The following SLC8A1 variants were observed in gnomAD, a reference collection of about 807,000 sequenced individuals.
SLC8A1 encodes the protein solute carrier family 8 member A1, also known as sodium/calcium exchanger 1.
Under a neutral mutation model 68.3 loss-of-function variants are expected in SLC8A1, and 18 were observed. That is an observed-to-expected ratio of 0.26 (90% CI 0.18 to 0.39). The LOEUF is 0.39. SLC8A1 is among the 10% of genes least tolerant of loss of function. SLC8A1 has a pLI of 1.00. For synonymous variants in SLC8A1, 475 were observed against 415.5 expected (o/e 1.14, Z -1.74); for missense variants, 985 against 1,156.7 (o/e 0.85, Z 2.15).
At chr2:40,166,020 G>A (rs1038804494) in intron 4 of SLC8A1, among the ~76,000 whole-genome samples, 3 of 152,166 alleles carry the variant, frequency 2.0e-5, no homozygotes, top group African/African-American at 7.2e-5. Context: ...AGCCCTGATG[G>A]CCTCATTTCT....
chr2:40,439,067 G>A (rs1328922176), intron 1 of SLC8A1, among the ~76,000 whole-genome samples: 1 of 152,050 alleles, frequency 6.6e-6, no homozygotes, highest in Non-Finnish European at 1.5e-5. Flanking sequence ...ATCAAAATAT[G>A]AAGCCCCGTA....
chr2:40,501,067 T>A (rs1425158217), intron 1 of SLC8A1, among the ~76,000 whole-genome samples: 1 of 151,980 alleles, frequency 6.6e-6, no homozygotes, highest in East Asian at 1.9e-4. Flanking sequence ...ATCAAGTTGT[T>A]CCTACTTCAA....
intron 2 of SLC8A1, among the ~76,000 whole-genome samples, chr2:40,422,441 T>C (rs1249307430): frequency 6.6e-6 from 1 of 152,184 alleles, no homozygotes; most frequent in Non-Finnish European, 1.5e-5. Context: ...ACCCCTTGTA[T>C]GTCTTAGACC....
At chr2:40,331,524 G>A (rs1454780265) in intron 2 of SLC8A1, among the ~76,000 whole-genome samples, 1 of 152,074 alleles carries the variant, frequency 6.6e-6, no homozygotes, top group African/African-American at 2.4e-5. Context: ...GCATAAAATA[G>A]GATGAGTTTT....
At chr2:40,306,164 A>G (rs1460200398) in intron 2 of SLC8A1, among the ~76,000 whole-genome samples, 2 of 152,234 alleles carry the variant, frequency 1.3e-5, no homozygotes, top group Non-Finnish European at 1.5e-5. Flanking sequence ...GGGAACCCAA[A>G]TAAGAGGAAA....
At chr2:40,243,097 T>A (rs1483055109) in intron 2 of SLC8A1, among the ~76,000 whole-genome samples, 1 of 152,218 alleles carries the variant, frequency 6.6e-6, no homozygotes, top group African/African-American at 2.4e-5. Flanking sequence ...GCTCATTTCA[T>A]TGCCCTTAGT....
intron 2 of SLC8A1, among the ~76,000 whole-genome samples, chr2:40,264,078 A>C (rs1200045496): frequency 1.8e-4 from 27 of 152,362 alleles, no homozygotes; most frequent in Admixed American, 1.6e-3. Context: ...ACATTTATGC[A>C]GCCAGAAGAC....
chr2:40,475,848 C>A (rs908371136), intron 1 of SLC8A1, among the ~76,000 whole-genome samples: 5 of 151,912 alleles, frequency 3.3e-5, no homozygotes, highest in Non-Finnish European at 7.4e-5. Flanking sequence ...ATTACCTAAG[C>A]CCTAGATTCT....
chr2:40,101,132 A>G (rs566561858), exon 8 of SLC8A1: 2 of 152,256 alleles, frequency 1.3e-5, no homozygotes, highest in Middle Eastern at 3.4e-3. Context: ...TTTTACAAGC[A>G]GAGTTACTTT....
chr2:40,479,737 G>C (rs1455185496), intron 1 of SLC8A1, among the ~76,000 whole-genome samples: 2 of 152,180 alleles, frequency 1.3e-5, no homozygotes, highest in African/African-American at 4.8e-5. Flanking sequence ...TCGGCAACAA[G>C]GTACTTTGGC....
chr2:40,244,029 C>T (rs2061534257), intron 2 of SLC8A1, among the ~76,000 whole-genome samples: 1 of 135,788 alleles, frequency 7.4e-6, no homozygotes, highest in South Asian at 2.3e-4. Flanking sequence ...ACAACGCTCC[C>T]ATCAGCAGCC....
At chr2:40,406,957 T>C (rs1559552136) in intron 2 of SLC8A1, among the ~76,000 whole-genome samples, 1 of 152,052 alleles carries the variant, frequency 6.6e-6, no homozygotes. Flanking sequence ...ACAGTTTTTT[T>C]TACTTCATGA....
chr2:40,301,126 T>C (rs936397187), intron 2 of SLC8A1, among the ~76,000 whole-genome samples: 14 of 152,156 alleles, frequency 9.2e-5, no homozygotes, highest in Non-Finnish European at 1.6e-4. Context: ...ACTAGCTCCA[T>C]GACCTGGGAT....
intron 1 of SLC8A1, among the ~76,000 whole-genome samples, chr2:40,463,887 C>CACACACACACACACAT (rs796954298): frequency 1.0e-4 from 11 of 108,612 alleles, no homozygotes; most frequent in East Asian, 2.6e-4. Context: ...CACACACACA[C>CACACACACACACACAT]ATATATATAT....
intron 6 of SLC8A1, among the ~76,000 whole-genome samples, chr2:40,140,807 T>G (rs2041420400): frequency 6.7e-6 from 1 of 148,638 alleles, no homozygotes; most frequent in South Asian, 2.2e-4. Flanking sequence ...AAATTTCTAT[T>G]GACTTTATAT....
intron 2 of SLC8A1, among the ~76,000 whole-genome samples, chr2:40,363,791 T>C (rs1457089403): frequency 1.3e-5 from 2 of 151,978 alleles, no homozygotes; most frequent in Non-Finnish European, 2.9e-5. Flanking sequence ...AAATACAGCA[T>C]TGTATTTGGG....
At chr2:40,282,256 TAAG>T (rs952119193) in intron 2 of SLC8A1, among the ~76,000 whole-genome samples, 2 of 152,142 alleles carry the variant, frequency 1.3e-5, no homozygotes, top group African/African-American at 4.8e-5. Context: ...GGATTAGTAA[TAAG>T]GAGTAATTTC....
chr2:40,257,142 A>C (rs372277649), intron 2 of SLC8A1, among the ~76,000 whole-genome samples: 2 of 152,202 alleles, frequency 1.3e-5, no homozygotes, highest in Non-Finnish European at 2.9e-5. Context: ...GGTCTACTAC[A>C]ATCTTTTTAA....
At chr2:40,204,801 TTTTATA>T (rs1357274064) in intron 2 of SLC8A1, among the ~76,000 whole-genome samples, 1 of 151,994 alleles carries the variant, frequency 6.6e-6, no homozygotes. Context: ...ATTTTAAGAT[TTTTATA>T]TTCTTTTTTT....
Sources: gnomAD v4.1 joint callset for allele counts (sites outside exome capture counted in the v4.1 genomes callset) on GRCh38, gnomAD v4.1.1 for gene constraint, MANE v1.5 for transcripts, NCBI Gene and HGNC (gene_info 2026-07-23, HGNC 2026-07-21) for gene names.